GSDME: variants seen among roughly 807,000 people sequenced by gnomAD.
The protein encoded by GSDME is gasdermin-E.
In GSDME, 44 loss-of-function variants were observed where a neutral mutation model predicts 47.5. The ratio of observed to expected loss-of-function variants is 0.93; its 90% CI spans 0.73 to 1.19. The LOEUF (loss-of-function observed/expected upper bound fraction) is 1.19. Among genes scored for constraint, GSDME ranks in the 50% most tolerant of loss-of-function variants. GSDME has a pLI of 0.00. For synonymous variants in GSDME, 258 were observed against 252.8 expected (o/e 1.02, Z -0.20); for missense variants, 663 against 604.2 (o/e 1.10, Z -1.02).
rs889556125 is a variant in GSDME, at chr7:24,708,275, CAA to C, written c.863-23_863-22del. On this transcript the variant is annotated intron_variant, in intron 6 of 9. Coordinates refer to ENST00000645220, the MANE Select transcript of GSDME (RefSeq NM_001127453.2). ...GGTCGCTGTGAAAACAAAGCACACC[CAA>C]GTCTCATGACTGCGATGCACATCTC... is the stretch of plus-strand genomic sequence containing the variant. 2.5e-6 allele frequency: 4 copies of C among 1,613,662 alleles called. No individual in the cohort carries two copies. In the African/African-American group the frequency reaches 5.3e-5, roughly 22 times the overall value.
At chr7:24,783,027 A>G in the GSDME span, among the ~76,000 whole-genome samples, 1 of 152,266 alleles carries the variant, frequency 6.6e-6, no homozygotes, top group South Asian at 2.1e-4. Context: ...TGTAGCTTAA[A>G]AGAAGACAGT....
the GSDME span, among the ~76,000 whole-genome samples, chr7:24,777,355 G>A: frequency 6.6e-6 from 1 of 152,160 alleles, no homozygotes; most frequent in South Asian, 2.1e-4. Flanking sequence ...AAGGCTTTTA[G>A]GGATGCTTTG....
At chr7:24,729,470 G>C (rs1001464) in intron 3 of GSDME, among the ~76,000 whole-genome samples, 6 of 152,244 alleles carry the variant, frequency 3.9e-5, no homozygotes, top group Non-Finnish European at 5.9e-5. Flanking sequence ...GGACACAGAC[G>C]CAGGCAACTT....
In GSDME at chr7:24,719,192, A is replaced by G; in HGVS notation, c.431T>C (p.Leu144Pro). 6.2e-7 allele frequency: 1 copy of G among 1,613,132 alleles called. No individual in the cohort carries two copies. The highest frequency in any genetic ancestry group is 8.5e-7 in the Non-Finnish European group (1 of 1,180,026). The change falls in exon 4 of 10, where the codon CTC (leucine) becomes CCC (proline). Residue 144 changes from leucine (L) to proline (P), a missense_variant. Transcript: ENST00000645220. ...ATTCCTTCCTTCCAGCACCTGCTGGAGCACAGGGTTTCTCAGATTTATTGT... is the reference window on the plus strand; with the variant it reads ...ATTCCTTCCTTCCAGCACCTGCTGGGGCACAGGGTTTCTCAGATTTATTGT... ...ERTINLRNPV[L>P]QQVLEGRNEV...
chr7:24,790,704 A>G, the GSDME span, among the ~76,000 whole-genome samples: 1 of 152,182 alleles, frequency 6.6e-6, no homozygotes, highest in Non-Finnish European at 1.5e-5. This position sits in a 1 kb window ranked among gnomAD's most constrained non-coding sequence, Gnocchi z 4.1. Context: ...TATTTTAAAC[A>G]CTGTGACCAT....
the GSDME span, among the ~76,000 whole-genome samples, chr7:24,768,684 C>T: frequency 0.12 from 18,731 of 152,206 alleles, 1,301 homozygotes; most frequent in East Asian, 0.2. The surrounding 1 kb of genome is among the most constrained non-coding windows in gnomAD (Gnocchi z 5.6). Flanking sequence ...GCTGAATGAA[C>T]GCTTTTATTT....
At chr7:24,786,493 G>A in the GSDME span, among the ~76,000 whole-genome samples, 2 of 152,156 alleles carry the variant, frequency 1.3e-5, no homozygotes, top group Non-Finnish European at 2.9e-5. This position sits in a 1 kb window ranked among gnomAD's most constrained non-coding sequence, Gnocchi z 5.5. Context: ...TCTGACAAAT[G>A]GGGATTGCCT....
intron 5 of GSDME, chr7:24,715,466 T>TA (rs1295610562): frequency 2.1e-6 from 1 of 471,026 alleles, no homozygotes; most frequent in South Asian, 1.5e-5. Context: ...ATCTTGAACA[T>TA]ACAGTTTCTG....
At chr7:24,764,056 G>A in the GSDME span, among the ~76,000 whole-genome samples, 1 of 152,142 alleles carries the variant, frequency 6.6e-6, no homozygotes, top group Non-Finnish European at 1.5e-5. This position sits in a 1 kb window ranked among gnomAD's most constrained non-coding sequence, Gnocchi z 4.4. Flanking sequence ...TGTGGTTGAT[G>A]TTTTCATCTA....
At chr7:24,715,429 C>T (rs956545984) in intron 5 of GSDME, 5 of 470,460 alleles carry the variant, frequency 1.1e-5, no homozygotes, top group Non-Finnish European at 2.2e-5. Flanking sequence ...GTCACAATGT[C>T]TATGTCTATT....
intron 3 of GSDME, among the ~76,000 whole-genome samples, chr7:24,734,650 A>G (rs998269337): frequency 6.6e-6 from 1 of 152,252 alleles, no homozygotes; most frequent in African/African-American, 2.4e-5. Flanking sequence ...CACAATTGAC[A>G]TACTGGAGAA....
the GSDME span, among the ~76,000 whole-genome samples, chr7:24,763,664 G>A: frequency 6.6e-6 from 1 of 152,204 alleles, no homozygotes; most frequent in African/African-American, 2.4e-5. The surrounding 1 kb of genome is among the most constrained non-coding windows in gnomAD (Gnocchi z 4.3). Flanking sequence ...GTGGGTAACT[G>A]AAACCACAAA....
the GSDME span, among the ~76,000 whole-genome samples, chr7:24,776,199 A>AAG: frequency 6.6e-6 from 1 of 151,292 alleles, no homozygotes; most frequent in Non-Finnish European, 1.5e-5. Context: ...AAAAAAAAAA[A>AAG]AAGAATCACT....
At chr7:24,719,018 T>C in intron 4 of GSDME, 29 bp downstream of exon 4, 1 of 1,610,742 alleles carries the variant, frequency 6.2e-7, no homozygotes, top group Non-Finnish European at 8.5e-7. Context: ...TGCTCAGCCA[T>C]GAACGCAGGG....
Position 24,726,545 on chromosome 7 carries a change from C to A in GSDME, c.405-7327G>T, listed in dbSNP as rs540319852. Among the ~76,000 whole-genome samples, 9 of 152,260 alleles carry A rather than the reference C, an allele frequency of 5.9e-5. No homozygotes were observed. Among genetic ancestry groups the A allele is most frequent in the Non-Finnish European group, 8.8e-5 (6 of 68,030 alleles). ...ACCCTTGATAGTAACAATGGTAGGC[C>A]GGGCGCGGTGGCTCACGCCTGTTAT... On this transcript the variant is annotated intron_variant, in intron 3 of 9. Coordinates refer to ENST00000645220, the MANE Select transcript of GSDME (RefSeq NM_001127453.2). This position sits in a 1 kb window ranked among gnomAD's most constrained non-coding sequence, Gnocchi z 5.6.
At chr7:24,709,179 G>C (rs1481890760) in intron 6 of GSDME, among the ~76,000 whole-genome samples, 1 of 152,170 alleles carries the variant, frequency 6.6e-6, no homozygotes, top group African/African-American at 2.4e-5. Flanking sequence ...AAGCTGTCCT[G>C]GTCGGTCCAG....
At chr7:24,702,683 C>T (rs770649646) in intron 9 of GSDME, 77 bp downstream of exon 9, 31 of 1,251,892 alleles carry the variant, frequency 2.5e-5, no homozygotes, top group Non-Finnish European at 2.6e-5. Context: ...AGGTGTTTTA[C>T]CGGCTGCTGG....
chr7:24,711,815 CA>C (rs35002301), intron 5 of GSDME, among the ~76,000 whole-genome samples: 5,954 of 96,992 alleles, frequency 0.061, 116 homozygotes, highest in Non-Finnish European at 0.079. Context: ...ACCTTGTCTC[CA>C]AAAAAAAAAA....
rs1277351605 is a variant in GSDME at position 24,733,870 on chromosome 7, G to A, written c.404+10692C>T. On this transcript the variant is annotated intron_variant, in intron 3 of 9. Coordinates refer to ENST00000645220, the MANE Select transcript of GSDME (RefSeq NM_001127453.2). The surrounding 1 kb of genome is among the most constrained non-coding windows in gnomAD (Gnocchi z 4.3). ...AGGGAAATCACCTCATGTCTGAGGGGAAGGACACAAGCCTGGCTGGCTTTA... is the reference window on the plus strand; with the variant it reads ...AGGGAAATCACCTCATGTCTGAGGGAAAGGACACAAGCCTGGCTGGCTTTA... Among the ~76,000 whole-genome samples the A allele has an allele frequency of 6.6e-6, 1 of 152,194 alleles. No individual in the cohort carries two copies. Among genetic ancestry groups the A allele is most frequent in the East Asian group, 1.9e-4 (1 of 5,186 alleles).
Sources: gnomAD v4.1 joint callset for allele counts (sites outside exome capture counted in the v4.1 genomes callset) on GRCh38, gnomAD v4.1.1 for gene constraint, Gnocchi (gnomAD v3.1) non-coding constraint, MANE v1.5 for transcripts, NCBI Gene and HGNC (gene_info 2026-07-23, HGNC 2026-07-21) for gene names.